SLC35F1: variants seen among roughly 807,000 people sequenced by gnomAD.
The protein encoded by SLC35F1 is solute carrier family 35 member F1.
Under a neutral mutation model 48.7 loss-of-function variants are expected in SLC35F1, and 14 were observed. The observed-to-expected ratio is 0.29, with a 90% CI of 0.19 to 0.45. The LOEUF (loss-of-function observed/expected upper bound fraction) is 0.45, where lower values mean the gene tolerates loss of function less well. Ranked by LOEUF, SLC35F1 falls within the 20% of genes least tolerant of loss-of-function variation. SLC35F1 has a pLI of 1.00. For missense variants in SLC35F1, 404 were observed against 500.0 expected (o/e 0.81, Z 1.83); for synonymous variants, 190 against 202.2 (o/e 0.94, Z 0.51).
intron 1 of SLC35F1, among the ~76,000 whole-genome samples, chr6:117,924,794 A>G (rs1776007354): frequency 6.6e-6 from 1 of 152,128 alleles, no homozygotes; most frequent in African/African-American, 2.4e-5. Context: ...AAGAAGAATA[A>G]TGAAGTCATT....
At chr6:118,020,814 A>T (rs1304819863) in intron 1 of SLC35F1, among the ~76,000 whole-genome samples, 1 of 152,116 alleles carries the variant, frequency 6.6e-6, no homozygotes, top group Non-Finnish European at 1.5e-5. Context: ...TAAAATATAG[A>T]TGGAATGTTT....
chr6:117,932,306 C>T (rs937530330), intron 1 of SLC35F1, among the ~76,000 whole-genome samples: 2 of 152,100 alleles, frequency 1.3e-5, no homozygotes, highest in Non-Finnish European at 2.9e-5. Context: ...GCAGCAGGAA[C>T]AGACTAAGAA....
At position 117,910,578 on chromosome 6, in the gene SLC35F1, T is replaced by C. The variant is rs77772683; in HGVS notation, c.173+2679T>C. Among the ~76,000 whole-genome samples, 122 of 152,286 alleles carry C rather than the reference T, an allele frequency of 8.0e-4. 1 individual carries two copies. The East Asian group carries it at 0.023, about 28-fold the overall frequency. On this transcript the variant is annotated intron_variant, in intron 1 of 7. Coordinates refer to ENST00000360388, the MANE Select transcript of SLC35F1 (RefSeq NM_001029858.4). ...CAAATCGGGAAGCTGGGAGCCAATA[T>C]AAAAAATATCCCTCCAACTTTTGAC... is the stretch of plus-strand genomic sequence containing the variant.
chr6:117,969,370 T>C (rs181748108), intron 1 of SLC35F1, among the ~76,000 whole-genome samples: 2 of 152,306 alleles, frequency 1.3e-5, no homozygotes, highest in East Asian at 3.8e-4. Context: ...AGTGACATGG[T>C]TGGTCTTGTA....
At chr6:118,305,594 CCCTTG>C (rs914785909) in intron 7 of SLC35F1, among the ~76,000 whole-genome samples, 2 of 152,056 alleles carry the variant, frequency 1.3e-5, no homozygotes, top group African/African-American at 4.8e-5. Context: ...AACACACTAA[CCCTTG>C]CCTTACAAGC....
At chr6:117,973,386 C>T (rs1177176219) in intron 1 of SLC35F1, among the ~76,000 whole-genome samples, 1 of 152,040 alleles carries the variant, frequency 6.6e-6, no homozygotes, top group Non-Finnish European at 1.5e-5. Context: ...GGACAAAGGA[C>T]ATAATGACTG....
At chr6:117,944,724 C>T (rs190835857) in intron 1 of SLC35F1, among the ~76,000 whole-genome samples, 124 of 152,126 alleles carry the variant, frequency 8.2e-4, no homozygotes, top group African/African-American at 2.7e-3. Flanking sequence ...AGAGAGAATG[C>T]CTGCATATAA....
rs1772945935 is a variant in SLC35F1, at chr6:118,083,789, C to G, written c.174-70656C>G. 2.0e-5 allele frequency among the ~76,000 whole-genome samples: 3 copies of G among 152,130 alleles called. No homozygotes were observed. The South Asian group carries it at 6.2e-4, about 31-fold the overall frequency. ...CCCTTTAGCTATCAGTAATTAGTAT[C>G]ATTTAAAGGAGTTCATTGTTGCCAC... On this transcript the variant is annotated intron_variant, in intron 1 of 7. Coordinates refer to ENST00000360388, the MANE Select transcript of SLC35F1 (RefSeq NM_001029858.4).
chr6:118,194,893 T>TA (rs1221658784), intron 2 of SLC35F1, among the ~76,000 whole-genome samples: 1 of 151,198 alleles, frequency 6.6e-6, no homozygotes, highest in Non-Finnish European at 1.5e-5. Context: ...AAGAAAATCT[T>TA]TTTTTTTTCC....
At chr6:118,245,157 C>T (rs754819144) in intron 3 of SLC35F1, among the ~76,000 whole-genome samples, 5 of 152,230 alleles carry the variant, frequency 3.3e-5, no homozygotes, top group Non-Finnish European at 5.9e-5. Flanking sequence ...ACTGTACTTT[C>T]TTTATATTCT....
At position 118,251,634 on chromosome 6, in the gene SLC35F1, T is replaced by C. The variant is rs17079893; in HGVS notation, c.478-15361T>C. ...TTGTAATTTAGCAAGATCCCTTGCATGATCTGATCTTTTTTCAGATCAGAT... is the reference window on the plus strand; with the variant it reads ...TTGTAATTTAGCAAGATCCCTTGCACGATCTGATCTTTTTTCAGATCAGAT... On this transcript the variant is annotated intron_variant, in intron 3 of 7. Coordinates refer to ENST00000360388, the MANE Select transcript of SLC35F1 (RefSeq NM_001029858.4). Among the ~76,000 whole-genome samples, 1,378 of 152,298 alleles carry C rather than the reference T, an allele frequency of 9.0e-3. 24 individuals are homozygous for C. Among genetic ancestry groups the C allele is most frequent in the African/African-American group, 0.032 (1,326 of 41,578 alleles).
chr6:118,172,140 G>A (rs1325231824), intron 2 of SLC35F1, among the ~76,000 whole-genome samples: 2 of 151,706 alleles, frequency 1.3e-5, no homozygotes, highest in African/African-American at 4.8e-5. Context: ...GTTTAGCTAG[G>A]GTTTAATCAG....
chr6:117,932,591 G>A (rs1471087298), intron 1 of SLC35F1, among the ~76,000 whole-genome samples: 2 of 152,098 alleles, frequency 1.3e-5, no homozygotes, highest in East Asian at 1.9e-4. Context: ...AAGCATAGAG[G>A]CTTTTCTTCT....
chr6:118,045,029 A>G (rs1362878203), intron 1 of SLC35F1, among the ~76,000 whole-genome samples: 1 of 152,232 alleles, frequency 6.6e-6, no homozygotes, highest in African/African-American at 2.4e-5. Flanking sequence ...GAAGTCTTAC[A>G]TATACTAGTA....
intron 2 of SLC35F1, among the ~76,000 whole-genome samples, chr6:118,215,199 A>G (rs1466979831): frequency 6.6e-6 from 1 of 152,106 alleles, no homozygotes; most frequent in African/African-American, 2.4e-5. Flanking sequence ...ACATTCAGAC[A>G]TGTTCTGTTC....
Position 118,032,769 on chromosome 6 carries a change from G to T in SLC35F1, c.174-121676G>T, listed in dbSNP as rs144742889. ...TCATGCTCTCCTGTAACCTAGAAAA[G>T]CTATTGGCATTTAAGGTCTTTACTT... On this transcript the variant is annotated intron_variant, in intron 1 of 7. Transcript: ENST00000360388. Among the ~76,000 whole-genome samples the T allele has an allele frequency of 8.5e-5, 13 of 152,224 alleles. 1 individual carries two copies. The highest frequency in any genetic ancestry group is 3.1e-4 in the African/African-American group (13 of 41,544).
At position 118,028,354 on chromosome 6, in the gene SLC35F1, C is replaced by A. The variant is rs559083357; in HGVS notation, c.173+120455C>A. Among the ~76,000 whole-genome samples the A allele has an allele frequency of 5.1e-4, 77 of 151,766 alleles. 3 individuals are homozygous for A. Among genetic ancestry groups the A allele is most frequent in the Admixed American group, 8.5e-4 (13 of 15,210 alleles). On this transcript the variant is annotated intron_variant, in intron 1 of 7. Transcript: ENST00000360388. ...AAGACTGGGAGGCTCTGGAGAGGAT[C>A]TAGTAAGATCAATGAAAATGAGTAG...
At chr6:118,285,523 A>C (rs1776038736) in intron 7 of SLC35F1, among the ~76,000 whole-genome samples, 185 bp downstream of exon 7, 1 of 152,228 alleles carries the variant, frequency 6.6e-6, no homozygotes, top group South Asian at 2.1e-4. Context: ...TTGTCCTATG[A>C]GATCAGTAAC....
At chr6:118,289,327 T>C (rs1373130706) in intron 7 of SLC35F1, among the ~76,000 whole-genome samples, 1 of 152,248 alleles carries the variant, frequency 6.6e-6, no homozygotes, top group African/African-American at 2.4e-5. Flanking sequence ...GGTTTTAGTA[T>C]AAACAGGAGT....
Sources: gnomAD v4.1 joint callset for allele counts (sites outside exome capture counted in the v4.1 genomes callset) on GRCh38, gnomAD v4.1.1 for gene constraint, MANE v1.5 for transcripts, NCBI Gene and HGNC (gene_info 2026-07-23, HGNC 2026-07-21) for gene names.